Variants in CNTNAP2 observed in about 807,000 individuals in gnomAD.
CNTNAP2 encodes contactin-associated protein-like 2.
In CNTNAP2, 98 loss-of-function variants were observed where a neutral mutation model predicts 155.2. That is an observed-to-expected ratio of 0.63 (90% CI 0.54 to 0.75). The LOEUF (loss-of-function observed/expected upper bound fraction) is 0.75. CNTNAP2 is among the 30% of genes least tolerant of loss of function. CNTNAP2 has a pLI of 0.00. For missense variants in CNTNAP2, 1,727 were observed against 1,688.1 expected (o/e 1.02, Z -0.40); for synonymous variants, 651 against 631.2 (o/e 1.03, Z -0.47).
chr7:147,465,863 G>T (rs1798111193), intron 10 of CNTNAP2, among the ~76,000 whole-genome samples: 1 of 152,114 alleles, frequency 6.6e-6, no homozygotes, highest in Non-Finnish European at 1.5e-5. Context: ...AAGAGTTGGG[G>T]CAAACCTTAT....
intron 15 of CNTNAP2, among the ~76,000 whole-genome samples, chr7:147,985,064 G>A (rs187835133): frequency 2.6e-5 from 4 of 151,866 alleles, no homozygotes; most frequent in South Asian, 2.1e-4. Context: ...GCAGTGAGCC[G>A]AAATCACGCC....
At chr7:146,740,293 T>TC (rs1801690645) in intron 1 of CNTNAP2, among the ~76,000 whole-genome samples, 1 of 151,870 alleles carries the variant, frequency 6.6e-6, no homozygotes. Flanking sequence ...GATTTCTGTT[T>TC]TTTTTTTTAA....
At chr7:147,997,160 C>T (rs1801817226) in intron 15 of CNTNAP2, among the ~76,000 whole-genome samples, 1 of 152,162 alleles carries the variant, frequency 6.6e-6, no homozygotes, top group African/African-American at 2.4e-5. Flanking sequence ...CATAAGCTAC[C>T]CAGTTTACGA....
At chr7:147,553,842 G>A (rs1030847131) in intron 11 of CNTNAP2, among the ~76,000 whole-genome samples, 9 of 152,134 alleles carry the variant, frequency 5.9e-5, no homozygotes, top group African/African-American at 2.2e-4. Flanking sequence ...ATGCTGGCGC[G>A]TGCCTGTAAT....
chr7:148,135,531 G>A (rs1183195875), intron 16 of CNTNAP2, among the ~76,000 whole-genome samples: 2 of 152,080 alleles, frequency 1.3e-5, no homozygotes, highest in East Asian at 3.9e-4. Flanking sequence ...ACAGCCTCAA[G>A]CTGCAGGGCA....
chr7:146,902,034 C>A (rs923668390), intron 3 of CNTNAP2, among the ~76,000 whole-genome samples: 1 of 151,848 alleles, frequency 6.6e-6, no homozygotes, highest in African/African-American at 2.4e-5. Flanking sequence ...TGCCACCTCG[C>A]CCGGCTAATT....
intron 8 of CNTNAP2, among the ~76,000 whole-genome samples, chr7:147,148,885 A>G (rs2129288943): frequency 6.6e-6 from 1 of 152,304 alleles, no homozygotes; most frequent in East Asian, 1.9e-4. Flanking sequence ...TCATGGTCTC[A>G]CTGACTTCAG....
intron 16 of CNTNAP2, among the ~76,000 whole-genome samples, chr7:148,130,684 C>T (rs1365939419): frequency 1.3e-5 from 2 of 152,226 alleles, no homozygotes; most frequent in African/African-American, 2.4e-5. Flanking sequence ...CCATGTGCCA[C>T]AGCCTCAGCT....
chr7:147,636,775 AC>A (rs1404487332), intron 12 of CNTNAP2, among the ~76,000 whole-genome samples: 1 of 152,134 alleles, frequency 6.6e-6, no homozygotes, highest in Non-Finnish European at 1.5e-5. Flanking sequence ...TGCTTTCTTA[AC>A]TTTTAATGTG....
intron 4 of CNTNAP2, among the ~76,000 whole-genome samples, chr7:147,056,667 G>A (rs1055849211): frequency 6.6e-6 from 1 of 152,150 alleles, no homozygotes; most frequent in East Asian, 1.9e-4. Flanking sequence ...AGTAATTTTT[G>A]CAACAAAACC....
intron 1 of CNTNAP2, among the ~76,000 whole-genome samples, chr7:146,684,052 C>G (rs959395329): frequency 6.6e-6 from 1 of 152,180 alleles, no homozygotes; most frequent in African/African-American, 2.4e-5. Context: ...GGTTACGGCT[C>G]TCTCTCTAGC....
At chr7:148,255,916 A>C (rs988434736) in intron 20 of CNTNAP2, among the ~76,000 whole-genome samples, 1 of 152,212 alleles carries the variant, frequency 6.6e-6, no homozygotes, top group African/African-American at 2.4e-5. Context: ...CTTCCAGTCC[A>C]GGAATCTGAG....
chr7:148,163,655 A>G (rs1396940618), intron 17 of CNTNAP2, among the ~76,000 whole-genome samples: 5 of 152,192 alleles, frequency 3.3e-5, no homozygotes, highest in African/African-American at 1.2e-4. Flanking sequence ...GGAGTTATGA[A>G]TGAGCACTCA....
At chr7:147,786,812 T>C (rs1424182023) in intron 13 of CNTNAP2, among the ~76,000 whole-genome samples, 5 of 152,000 alleles carry the variant, frequency 3.3e-5, no homozygotes, top group African/African-American at 9.7e-5. Flanking sequence ...ATACATAAAA[T>C]TTAAAAATTA....
chr7:146,626,553 A>G (rs1231108792), intron 1 of CNTNAP2, among the ~76,000 whole-genome samples: 1 of 152,182 alleles, frequency 6.6e-6, no homozygotes, highest in African/African-American at 2.4e-5. Flanking sequence ...CTGAATACTT[A>G]CTGGTAGTGA....
chr7:147,601,075 A>G (rs1310776587), intron 12 of CNTNAP2, among the ~76,000 whole-genome samples: 2 of 152,130 alleles, frequency 1.3e-5, no homozygotes, highest in African/African-American at 2.4e-5. Flanking sequence ...GAGCACTGTA[A>G]AAGTCCTGTG....
intron 13 of CNTNAP2, among the ~76,000 whole-genome samples, chr7:147,754,392 T>C (rs978837347): frequency 1.3e-5 from 2 of 152,136 alleles, no homozygotes; most frequent in Non-Finnish European, 2.9e-5. Flanking sequence ...ACTTAAGATA[T>C]CAGTGAAGTT....
rs545614634 is a variant in CNTNAP2 at position 148,089,552 on chromosome 7, A to G, written c.2384-28566A>G. On this transcript the variant is annotated intron_variant, in intron 15 of 23. Transcript: ENST00000361727. The stretch of plus-strand genomic sequence containing the variant: ...AATAAAGAAAACAATTTCATTTACA[A>G]TACTAAAAAAGAAATACTTAAGAAA... 1.1e-4 allele frequency among the ~76,000 whole-genome samples: 17 copies of G among 152,054 alleles called. No homozygotes were observed. The South Asian group carries it at 3.3e-3, about 30-fold the overall frequency.
chr7:146,337,905 C>A (rs67272594), intron 1 of CNTNAP2, among the ~76,000 whole-genome samples: 20,743 of 152,196 alleles, frequency 0.14, 3,587 homozygotes, highest in African/African-American at 0.41. Context: ...TAGACTATGA[C>A]AGCCAAAGAC....
Sources: allele counts gnomAD v4.1 joint callset (sites outside exome capture counted in the v4.1 genomes callset), GRCh38; gene constraint gnomAD v4.1.1; transcripts MANE v1.5; gene names NCBI Gene and HGNC (gene_info 2026-07-23, HGNC 2026-07-21).